Variants in COL6A2 observed in about 807,000 individuals in gnomAD.
COL6A2 encodes the protein collagen type VI alpha 2 chain, also known as collagen alpha-2(VI) chain.
A neutral mutation model predicts 124.9 loss-of-function variants in COL6A2; 90 were observed. That is an observed-to-expected ratio of 0.72 (90% CI 0.61 to 0.86). The LOEUF (loss-of-function observed/expected upper bound fraction) is 0.86. COL6A2 is among the 40% of genes least tolerant of loss of function. The pLI is 0.00. For missense variants in COL6A2, 1,607 were observed against 1,502.5 expected (o/e 1.07, Z -1.15); for synonymous variants, 793 against 618.2 (o/e 1.28, Z -4.19).
rs1365013453 is a variant in COL6A2, at chr21:46,112,202, C to T, written c.339C>T (p.Ser113=). Residue 113 remains serine, a synonymous_variant, in exon 3 of 28, where the codon AGC becomes AGT. Transcript: ENST00000300527. ...DQVEVFSPPG[S]DRASFIKNLQ... ...TGGAGGTGTTCAGCCCACCGGGCAG[C>T]GACCGGGCCTCCTTCATCAAGAACC... 5.6e-6 allele frequency: 9 copies of T among 1,612,944 alleles called. No individual in the cohort carries two copies. The highest frequency in any genetic ancestry group is 2.2e-5 in the South Asian group (2 of 91,080).
chr21:46,111,910 G>A, intron 2 of COL6A2, 69 bp from the exon 3 acceptor site: 2 of 1,510,858 alleles, frequency 1.3e-6, no homozygotes, highest in East Asian at 2.2e-5. Context: ...ACAGGCACGG[G>A]GCCAGGAAAC....
Position 46,132,620 on chromosome 21 carries a change from G to A in COL6A2, c.*68G>A. The A allele has an allele frequency of 4.2e-6, 6 of 1,428,422 alleles. No homozygotes were observed. The highest frequency in any genetic ancestry group is 5.7e-6 in the Non-Finnish European group (6 of 1,047,352). The allele number at this position is 1,428,422 out of a possible 1,614,324, so 88.5% of individuals were successfully genotyped here. On this transcript the variant is annotated 3_prime_UTR_variant, in exon 28 of 28. Coordinates refer to ENST00000300527, the MANE Select transcript of COL6A2 (RefSeq NM_001849.4). ...CCGTCCATGGTGCTAAGCGGGCCCG[G>A]GTCCCACACGGCCAGCACCGCTGCT...
chr21:46,109,548 C>A (rs1422428851), intron 1 of COL6A2, among the ~76,000 whole-genome samples: 1 of 152,182 alleles, frequency 6.6e-6, no homozygotes, highest in Non-Finnish European at 1.5e-5. Flanking sequence ...TCCATGGTGC[C>A]CAGGCTGCTG....
rs2078575871 is a variant in COL6A2, at chr21:46,122,105, C to T, written c.1522-3C>T. ...TGCTGACCGACTCAACGTCCTCCTC[C>T]AGGGAGACCCCGGCAGGCCTGGATT... On this transcript the variant is annotated splice_region_variant and splice_polypyrimidine_tract_variant and intron_variant, in intron 18 of 27. Coordinates refer to ENST00000300527, the MANE Select transcript of COL6A2 (RefSeq NM_001849.4). 2 of 1,612,744 alleles carry T rather than the reference C, an allele frequency of 1.2e-6. No homozygotes were observed. Among genetic ancestry groups the T allele is most frequent in the East Asian group, 2.2e-5 (1 of 44,876 alleles).
chr21:46,098,257 G>A, intron 1 of COL6A2, 84 bp downstream of exon 1: 1 of 152,322 alleles, frequency 6.6e-6, no homozygotes, highest in East Asian at 2.0e-4. Flanking sequence ...GGCGGCGGCG[G>A]CTCCGTCCCT....
chr21:46,105,409 C>G (rs991566193), intron 1 of COL6A2, among the ~76,000 whole-genome samples: 1 of 151,968 alleles, frequency 6.6e-6, no homozygotes, highest in African/African-American at 2.4e-5. Flanking sequence ...AAATAAATAT[C>G]TCAGTAAAGG....
In COL6A2 at chr21:46,117,461, C is replaced by G. The variant is rs2078490280; in HGVS notation, c.1053+8C>G. ...GGAGACCCTGGAAACCGGGTAAGGGCCGTTTGCACCCCTCCTTCAGCCTCG... is the reference window on the plus strand; with the variant it reads ...GGAGACCCTGGAAACCGGGTAAGGGGCGTTTGCACCCCTCCTTCAGCCTCG... On this transcript the variant is annotated splice_region_variant and intron_variant, in intron 11 of 27. Transcript: ENST00000300527. The G allele has an allele frequency of 6.2e-7, 1 of 1,612,486 alleles. No homozygotes were observed. Among genetic ancestry groups the G allele is most frequent in the Admixed American group, 1.7e-5 (1 of 60,004 alleles).
At chr21:46,109,053 C>T (rs1485050517) in intron 1 of COL6A2, among the ~76,000 whole-genome samples, 2 of 152,158 alleles carry the variant, frequency 1.3e-5, no homozygotes, top group South Asian at 2.1e-4. Flanking sequence ...AGAGAGAAGG[C>T]CCTGGAGTGG....
At chr21:46,129,078 G>T (rs556026564) in intron 27 of COL6A2, 2 of 1,599,720 alleles carry the variant, frequency 1.3e-6, no homozygotes, top group Non-Finnish European at 1.7e-6. Context: ...TTCCTCTACC[G>T]ACTCGCCAGC....
chr21:46,123,600 G>A (rs563386106), intron 21 of COL6A2, among the ~76,000 whole-genome samples: 1 of 151,904 alleles, frequency 6.6e-6, no homozygotes, highest in Non-Finnish European at 1.5e-5. Context: ...GTGGATAGAA[G>A]ATGGATGAAT....
rs796643856 is a variant in COL6A2, at chr21:46,099,444, C to A, written c.-28+1271C>A. On this transcript the variant is annotated intron_variant, in intron 1 of 27. Coordinates refer to ENST00000300527, the MANE Select transcript of COL6A2 (RefSeq NM_001849.4). The stretch of plus-strand genomic sequence containing the variant: ...CTGCACTCCAGCCTGGGTGAGGGAG[C>A]GAGACTGTCTCAAAAAAAAAAAAAA... Among the ~76,000 whole-genome samples the A allele has an allele frequency of 4.3e-4, 45 of 103,618 alleles. No individual in the cohort carries two copies. The Admixed American group carries it at 5.1e-3, about 12-fold the overall frequency. The allele number at this position is 103,618 out of a possible 152,430, so 68.0% of individuals were successfully genotyped here.
At chr21:46,113,951 T>C in intron 4 of COL6A2, 57 bp from the exon 5 acceptor site, 1 of 1,442,388 alleles carries the variant, frequency 6.9e-7, no homozygotes, top group Non-Finnish European at 9.8e-7. Context: ...GACCCTGCCC[T>C]GCCACCTGAG....
chr21:46,123,078 G>T, intron 21 of COL6A2, 141 bp downstream of exon 21: 2 of 835,386 alleles, frequency 2.4e-6, no homozygotes, highest in East Asian at 5.3e-5. Context: ...CCTTCCTAAA[G>T]GGAACGGCTG....
chr21:46,117,431 G>C lies in COL6A2; in HGVS notation c.1031G>C (p.Cys344Ser), dbSNP rs886043223. The change falls in exon 11 of 28, where the codon TGC becomes TCC. Residue 344 changes from cysteine to serine, a missense_variant. Around this residue, in one of 3 missense-constraint regions of COL6A2, gnomAD observed 1,223 missense variants for 1,052.2 expected, o/e 1.16. Transcript: ENST00000300527. ...CTGGGGCGCATCGGACCTCCTGGCT[G>C]CAAGGGAGACCCTGGAAACCGGGTA... ...GKLGRIGPPG[C>S]KGDPGNRGPD... The C allele has an allele frequency of 2.5e-6, 4 of 1,612,706 alleles. No individual in the cohort carries two copies. In the South Asian group the frequency reaches 4.4e-5, roughly 18 times the overall value.
At chr21:46,129,920 G>T (rs992209485) in intron 27 of COL6A2, 33 of 896,650 alleles carry the variant, frequency 3.7e-5, no homozygotes, top group Non-Finnish European at 4.3e-5. Context: ...GTGCGTCTGG[G>T]ATGGGGCTGA....
intron 14 of COL6A2, 151 bp downstream of exon 14, chr21:46,119,270 C>CGGACCACCCCACG (rs1204693894): frequency 2.9e-6 from 2 of 686,056 alleles, no homozygotes; most frequent in Non-Finnish European, 5.1e-6. Context: ...GAAGTGGACC[C>CGGACCACCCCACG]GGACCACCCC....
intron 24 of COL6A2, 75 bp downstream of exon 24, chr21:46,125,386 C>T (rs768915700): frequency 2.5e-5 from 40 of 1,604,884 alleles, no homozygotes; most frequent in Admixed American, 6.7e-5. Flanking sequence ...GCTGGGTCAT[C>T]GCTGGGTCCT....
chr21:46,121,690 G>A (rs376322065), intron 18 of COL6A2, 72 bp downstream of exon 18: 9 of 1,478,202 alleles, frequency 6.1e-6, no homozygotes, highest in South Asian at 1.1e-5. Context: ...ACAGGGGGCC[G>A]GCCTGGGGGA....
rs1307776890 is a variant in COL6A2, at chr21:46,116,132, GGCCTCA to G, written c.900+85_900+90del. On this transcript the variant is annotated intron_variant, in intron 7 of 27. Transcript: ENST00000300527. This position sits in a 1 kb window ranked among gnomAD's most constrained non-coding sequence, Gnocchi z 4.6. ...GGCAGGCTCCCCCCAGCCCAGCCTC[GGCCTCA>G]GCCTCTACGACCCTCCCCCCAGTTA... 1 of 1,444,414 alleles carries G rather than the reference GGCCTCA, an allele frequency of 6.9e-7. No homozygotes were observed. Among genetic ancestry groups the G allele is most frequent in the Non-Finnish European group, 9.5e-7 (1 of 1,051,236 alleles). 89.5% of individuals were successfully genotyped at this position (1,444,414 alleles called of 1,614,324 possible).
Sources: gnomAD v4.1 joint callset for allele counts (sites outside exome capture counted in the v4.1 genomes callset) on GRCh38, gnomAD v4.1.1 for gene constraint, gnomAD v4.1.1 regional missense constraint, Gnocchi (gnomAD v3.1) non-coding constraint, MANE v1.5 for transcripts, NCBI Gene and HGNC (gene_info 2026-07-23, HGNC 2026-07-21) for gene names.